Variants in ZNF469 observed in about 807,000 individuals in gnomAD.
The protein encoded by ZNF469 is zinc finger protein 469.
Under a neutral mutation model 1.0 loss-of-function variants are expected in ZNF469, and 1 was observed. That is an observed-to-expected ratio of 1.00 (90% CI 0.35 to 4.73). The LOEUF (loss-of-function observed/expected upper bound fraction) is 4.73. ZNF469 is among the 30% of genes most tolerant of loss of function. The pLI is 0.16. For missense variants in ZNF469, 6,100 were observed against 5,356.3 expected, an observed-to-expected ratio of 1.14 and a Z score of -4.33; for synonymous variants, 2,703 against 2,363.4, an observed-to-expected ratio of 1.14 and a Z score of -4.17.
At chr16:88,231,327 C>T in the ZNF469 span, among the ~76,000 whole-genome samples, 2 of 152,138 alleles carry the variant, frequency 1.3e-5, no homozygotes, top group Non-Finnish European at 2.9e-5. This position sits in a 1 kb window ranked among gnomAD's most constrained non-coding sequence, Gnocchi z 4.5. Context: ...GTGAAGGGAC[C>T]GAGGACCCTG....
At chr16:88,103,150 C>A in the ZNF469 span, among the ~76,000 whole-genome samples, 1 of 151,878 alleles carries the variant, frequency 6.6e-6, no homozygotes, top group African/African-American at 2.4e-5. Context: ...CCCCTCCCCC[C>A]TCCCCTGGGT....
the ZNF469 span, among the ~76,000 whole-genome samples, chr16:88,203,671 G>A: frequency 6.6e-6 from 1 of 152,140 alleles, no homozygotes; most frequent in Non-Finnish European, 1.5e-5. Flanking sequence ...CTTGGCTTGT[G>A]GCCATGCCAC....
chr16:88,177,532 C>T, the ZNF469 span: 1 of 152,364 alleles, frequency 6.6e-6, no homozygotes. This position sits in a 1 kb window ranked among gnomAD's most constrained non-coding sequence, Gnocchi z 4.8. Flanking sequence ...CATCAAGGCA[C>T]TTCCCATCTC....
At chr16:88,184,193 G>A in the ZNF469 span, among the ~76,000 whole-genome samples, 1 of 152,080 alleles carries the variant, frequency 6.6e-6, no homozygotes, top group African/African-American at 2.4e-5. Flanking sequence ...TGATTCTAGA[G>A]CCCCTAACTC....
chr16:88,405,767 G>A lies in ZNF469; in HGVS notation c.-191-19040G>A, dbSNP rs187244753. ...TCGGTGGGGCCACAGCGTCTGTCCCGGTCATAGCCCGCCCTGCCAAGCCCT... is the reference window on the plus strand; with the variant it reads ...TCGGTGGGGCCACAGCGTCTGTCCCAGTCATAGCCCGCCCTGCCAAGCCCT... On this transcript the variant is annotated intron_variant, in intron 1 of 2. Transcript: ENST00000565624. Among the ~76,000 whole-genome samples the A allele has an allele frequency of 8.9e-3, 1,350 of 152,286 alleles. 15 individuals are homozygous for A. The highest frequency in any genetic ancestry group is 0.031 in the African/African-American group (1,279 of 41,556).
chr16:88,377,983 C>T (rs73255409), upstream of ZNF469, among the ~76,000 whole-genome samples: 1,365 of 152,268 alleles, frequency 9.0e-3, 20 homozygotes, highest in African/African-American at 0.031. Context: ...GACCCAGGGA[C>T]GGACACCTGC....
chr16:88,205,405 G>A, the ZNF469 span, among the ~76,000 whole-genome samples: 3 of 152,244 alleles, frequency 2.0e-5, no homozygotes, highest in East Asian at 5.8e-4. The surrounding 1 kb of genome is among the most constrained non-coding windows in gnomAD (Gnocchi z 4.2). Flanking sequence ...ATTCTAGGCA[G>A]GGTTCCCCAT....
At chr16:88,229,516 G>T in the ZNF469 span, among the ~76,000 whole-genome samples, 1 of 148,414 alleles carries the variant, frequency 6.7e-6, no homozygotes, top group Non-Finnish European at 1.5e-5. Context: ...AATGATGAAT[G>T]TGTGCGTGTG....
chr16:88,431,651 T>A lies in ZNF469; in HGVS notation c.4181T>A (p.Phe1394Tyr). 3.2e-6 allele frequency: 5 copies of A among 1,550,416 alleles called. No individual in the cohort carries two copies. The highest frequency in any genetic ancestry group is 2.4e-5 in the East Asian group (1 of 40,922). The change falls in exon 3 of 3, where the codon TTC becomes TAC. Residue 1394 changes from phenylalanine to tyrosine, a missense_variant. Phe to Tyr is a conservative substitution (Grantham distance 22). Coordinates refer to ENST00000565624, the MANE Select transcript of ZNF469 (RefSeq NM_001367624.2). ...FLGPKDLAGC[F>Y]LEELHPKPSA... is the part of the protein sequence containing the mutation. ...GGACCCAAAGACCTGGCTGGCTGTTTCCTGGAAGAACTGCACCCCAAGCCC... is the reference window on the plus strand; with the variant it reads ...GGACCCAAAGACCTGGCTGGCTGTTACCTGGAAGAACTGCACCCCAAGCCC...
the ZNF469 span, among the ~76,000 whole-genome samples, chr16:88,284,658 C>G: frequency 6.7e-6 from 1 of 149,450 alleles, no homozygotes; most frequent in Non-Finnish European, 1.5e-5. Context: ...AACCAACACA[C>G]AATTCACCAC....
chr16:88,274,620 C>T, the ZNF469 span, among the ~76,000 whole-genome samples: 3 of 152,206 alleles, frequency 2.0e-5, no homozygotes, highest in African/African-American at 7.2e-5. Flanking sequence ...TGGTGACATG[C>T]GTGTGCTCTG....
the ZNF469 span, among the ~76,000 whole-genome samples, chr16:88,231,290 G>T: frequency 6.6e-6 from 1 of 152,216 alleles, no homozygotes; most frequent in Non-Finnish European, 1.5e-5. The surrounding 1 kb of genome is among the most constrained non-coding windows in gnomAD (Gnocchi z 4.5). Flanking sequence ...GTGCTGAAAA[G>T]GTTTGGGCGG....
chr16:88,158,755 C>T, the ZNF469 span, among the ~76,000 whole-genome samples: 1 of 152,202 alleles, frequency 6.6e-6, no homozygotes, highest in Non-Finnish European at 1.5e-5. Flanking sequence ...TCCTGCCCTC[C>T]CTGGCGGGAA....
the ZNF469 span, among the ~76,000 whole-genome samples, chr16:88,269,128 G>A: frequency 2.2e-4 from 34 of 152,338 alleles, no homozygotes; most frequent in East Asian, 5.0e-3. Context: ...TGAGGAGCAG[G>A]TGAAGGTGGG....
the ZNF469 span, among the ~76,000 whole-genome samples, chr16:88,372,744 CCAT>C: frequency 2.0e-5 from 3 of 148,748 alleles, no homozygotes; most frequent in South Asian, 2.2e-4. Flanking sequence ...ACCATCACCA[CCAT>C]CATCACCATC....
At chr16:88,135,193 G>A in the ZNF469 span, among the ~76,000 whole-genome samples, 5 of 152,252 alleles carry the variant, frequency 3.3e-5, no homozygotes, top group Admixed American at 1.3e-4. Context: ...TGAAGGAATC[G>A]TCTCTGTAAA....
At chr16:88,292,026 A>T in the ZNF469 span, among the ~76,000 whole-genome samples, 1 of 152,124 alleles carries the variant, frequency 6.6e-6, no homozygotes, top group Admixed American at 6.5e-5. Context: ...TTGGGGACCG[A>T]GGCTTTGGTG....
the ZNF469 span, among the ~76,000 whole-genome samples, chr16:88,320,889 G>C: frequency 6.6e-6 from 1 of 152,220 alleles, no homozygotes; most frequent in African/African-American, 2.4e-5. Context: ...GGTGTGAGCT[G>C]CCCCCTCAGA....
At chr16:88,361,442 C>T in the ZNF469 span, among the ~76,000 whole-genome samples, 1 of 152,198 alleles carries the variant, frequency 6.6e-6, no homozygotes, top group Non-Finnish European at 1.5e-5. Flanking sequence ...AATGAAAACA[C>T]CAAATCAGAG....
Sources: allele counts gnomAD v4.1 joint callset (sites outside exome capture counted in the v4.1 genomes callset), GRCh38; gene constraint gnomAD v4.1.1; non-coding constraint Gnocchi (gnomAD v3.1); transcripts MANE v1.5; gene names NCBI Gene and HGNC (gene_info 2026-07-23, HGNC 2026-07-21).